The following CLDND2 variants were observed in gnomAD, a reference collection of about 807,000 sequenced individuals.
CLDND2 encodes the protein claudin domain containing 2.
A neutral mutation model predicts 17.7 loss-of-function variants in CLDND2; 18 were observed. That is an observed-to-expected ratio of 1.02 (90% CI 0.70 to 1.51). The LOEUF is 1.51. Among genes scored for constraint, CLDND2 ranks in the 40% most tolerant of loss-of-function variants. The pLI is 0.00. For synonymous variants in CLDND2, 113 were observed against 93.0 expected, an observed-to-expected ratio of 1.22 and a Z score of -1.24; for missense variants, 233 against 219.6, an observed-to-expected ratio of 1.06 and a Z score of -0.39.
At chr19:51,368,136 G>A in intron 1 of CLDND2, 110 bp from the exon 2 acceptor site, 1 of 1,253,078 alleles carries the variant, frequency 8.0e-7, no homozygotes, top group Non-Finnish European at 1.1e-6. Context: ...GTGTGGCCAG[G>A]AGCCGAGCTC....
intron 1 of CLDND2, 115 bp from the exon 2 acceptor site, chr19:51,368,141 G>A: frequency 8.5e-7 from 1 of 1,180,022 alleles, no homozygotes; most frequent in East Asian, 2.6e-5. Flanking sequence ...GCCAGGAGCC[G>A]AGCTCCACCG....
Position 51,367,560 on chromosome 19 carries a change from G to A in CLDND2, c.327C>T (p.Thr109=), listed in dbSNP as rs761525613. 1.2e-6 allele frequency: 2 copies of A among 1,611,912 alleles called. No homozygotes were observed. The highest frequency in any genetic ancestry group is 2.2e-5 in the East Asian group (1 of 44,836). ...TCTTCACGGTGTAGCCTATCAAGGC[G>A]GTCAGCAGCAGCAGTCCTGGGCCCC... ...FLFLGGLLLL[T]ALIGYTVKNA... Residue 109 remains threonine (T), a synonymous_variant, in exon 3 of 4, where the codon ACC becomes ACT. Coordinates refer to ENST00000291715, the MANE Select transcript of CLDND2 (RefSeq NM_152353.3). The surrounding 1 kb of genome is among the most constrained non-coding windows in gnomAD (Gnocchi z 7.4).
chr19:51,367,040 C>G, downstream of CLDND2: 1 of 1,076,642 alleles, frequency 9.3e-7, no homozygotes, highest in South Asian at 1.3e-5. This position sits in a 1 kb window ranked among gnomAD's most constrained non-coding sequence, Gnocchi z 7.4. Flanking sequence ...CCCTGAGCCT[C>G]TATGCAACCC....
chr19:51,368,826 A>G lies in CLDND2; in HGVS notation c.-249T>C. On this transcript the variant is annotated 5_prime_UTR_variant, in exon 1 of 4. Coordinates refer to ENST00000291715, the MANE Select transcript of CLDND2 (RefSeq NM_152353.3). ...AGACTTCCCCTGAGAGGCCTCTGAG[A>G]CCTTCACCACAGGCTTTGCTGTGAG... 2.2e-6 allele frequency: 1 copy of G among 460,968 alleles called. No individual in the cohort carries two copies. Among genetic ancestry groups the G allele is most frequent in the Non-Finnish European group, 3.9e-6 (1 of 256,548 alleles). 28.6% of individuals were successfully genotyped at this position (460,968 alleles called of 1,614,324 possible). A position where few individuals can be genotyped will look rare whatever the true frequency, so the allele number is the denominator to read the frequency against.
chr19:51,367,652 C>T lies in CLDND2; in HGVS notation c.311-76G>A. On this transcript the variant is annotated intron_variant, in intron 2 of 3. Transcript: ENST00000291715. The surrounding 1 kb of genome is among the most constrained non-coding windows in gnomAD (Gnocchi z 7.4). ...CACCCAGGCCACGCCCCTTCAGACC[C>T]GCCCCCTTCTATCAGACCACGCCTA... 2 of 1,538,136 alleles carry T rather than the reference C, an allele frequency of 1.3e-6. No individual in the cohort carries two copies. The highest frequency in any genetic ancestry group is 4.2e-5 in the Admixed American group (2 of 47,186).
In CLDND2 at chr19:51,368,587, G is replaced by C. The variant is rs376369107; in HGVS notation, c.-10C>G. 1.9e-6 allele frequency: 3 copies of C among 1,610,218 alleles called. No individual in the cohort carries two copies. The African/African-American group carries it at 4.0e-5, about 22-fold the overall frequency. Reference sequence around the variant, plus strand: ...TCCGCTTCACCCCCATGCCACTGAGGCTGCAGCCGGGGGCCACAAGGGCAG... The same window carrying C: ...TCCGCTTCACCCCCATGCCACTGAGCCTGCAGCCGGGGGCCACAAGGGCAG... On this transcript the variant is annotated 5_prime_UTR_variant, in exon 1 of 4. Coordinates refer to ENST00000291715, the MANE Select transcript of CLDND2 (RefSeq NM_152353.3).
Position 51,367,776 on chromosome 19 carries a change from T to G in CLDND2, c.310+110A>C. On this transcript the variant is annotated intron_variant, in intron 2 of 3. Coordinates refer to ENST00000291715, the MANE Select transcript of CLDND2 (RefSeq NM_152353.3). The surrounding 1 kb of genome is among the most constrained non-coding windows in gnomAD (Gnocchi z 7.4). ...CACCTCTCTCGGCTTCTTCCAGCCC[T>G]GCCCCTCGGATCCTGGCCGAGTACC... 1.3e-6 allele frequency: 2 copies of G among 1,493,280 alleles called. No individual in the cohort carries two copies. The highest frequency in any genetic ancestry group is 1.8e-6 in the Non-Finnish European group (2 of 1,125,106). The allele number at this position is 1,493,280 out of a possible 1,614,324, so 92.5% of individuals were successfully genotyped here.
In CLDND2 at chr19:51,367,868, G is replaced by T; in HGVS notation, c.310+18C>A. Reference sequence around the variant, plus strand: ...GGCCCGCCCCTGCCTGCCCGCCTGGGGCGGTCTGCAGTCTCACCGCCGAGG... The same window carrying T: ...GGCCCGCCCCTGCCTGCCCGCCTGGTGCGGTCTGCAGTCTCACCGCCGAGG... On this transcript the variant is annotated intron_variant, in intron 2 of 3. Transcript: ENST00000291715. The surrounding 1 kb of genome is among the most constrained non-coding windows in gnomAD (Gnocchi z 7.4). 6.2e-7 allele frequency: 1 copy of T among 1,607,188 alleles called. No individual in the cohort carries two copies. The highest frequency in any genetic ancestry group is 8.5e-7 in the Non-Finnish European group (1 of 1,179,070).
intron 1 of CLDND2, 176 bp downstream of exon 1, chr19:51,368,233 G>T: frequency 1.1e-6 from 1 of 918,624 alleles, no homozygotes; most frequent in Non-Finnish European, 1.6e-6. Flanking sequence ...CGGGGAGGGG[G>T]TCGGGGACAA....
At chr19:51,366,890 C>T (rs1007943211), downstream of CLDND2, among the ~76,000 whole-genome samples, 11 of 152,036 alleles carry the variant, frequency 7.2e-5, no homozygotes, top group African/African-American at 2.7e-4. Context: ...CTCTCCACAC[C>T]CTCTCCAAAG....
chr19:51,367,068 G>T, downstream of CLDND2: 1 of 1,448,734 alleles, frequency 6.9e-7, no homozygotes, highest in East Asian at 2.3e-5. This position sits in a 1 kb window ranked among gnomAD's most constrained non-coding sequence, Gnocchi z 7.4. Context: ...GCGTCCCCAC[G>T]ACCCGCAGAA....
chr19:51,368,283 C>A, intron 1 of CLDND2, 126 bp downstream of exon 1: 1 of 1,236,632 alleles, frequency 8.1e-7, no homozygotes, highest in Non-Finnish European at 1.1e-6. Context: ...CGGCCTCGGC[C>A]GACAAGGGAC....
At chr19:51,368,059 C>G (rs1186324180) in intron 1 of CLDND2, 33 bp from the exon 2 acceptor site, 2 of 1,567,638 alleles carry the variant, frequency 1.3e-6, no homozygotes, top group African/African-American at 1.4e-5. Context: ...CCCCCGCGGG[C>G]GCCGCCCCAG....
chr19:51,368,585 A>C lies in CLDND2; in HGVS notation c.-8T>G, dbSNP rs1367870523. On this transcript the variant is annotated 5_prime_UTR_variant, in exon 1 of 4. Coordinates refer to ENST00000291715, the MANE Select transcript of CLDND2 (RefSeq NM_152353.3). ...GCTCCGCTTCACCCCCATGCCACTG[A>C]GGCTGCAGCCGGGGGCCACAAGGGC... 1.9e-6 allele frequency: 3 copies of C among 1,610,902 alleles called. No individual in the cohort carries two copies. The African/African-American group carries it at 4.0e-5, about 22-fold the overall frequency.
rs2123625551 is a variant in CLDND2 at position 51,367,328 on chromosome 19, C to T, written c.431-113G>A. The T allele has an allele frequency of 1.4e-6, 2 of 1,384,596 alleles. No homozygotes were observed. The highest frequency in any genetic ancestry group is 2.0e-6 in the Non-Finnish European group (2 of 989,050). The allele number at this position is 1,384,596 out of a possible 1,614,324, so 85.8% of individuals were successfully genotyped here. A position where few individuals can be genotyped will look rare whatever the true frequency, so the allele number is the denominator to read the frequency against. ...TCCAAGGGGGTCTCTGCCGGGTCTG[C>T]GGGAGTCGTTAGTGTGTTGGGGAGT... is the stretch of plus-strand genomic sequence containing the variant. On this transcript the variant is annotated intron_variant, in intron 3 of 3. Coordinates refer to ENST00000291715, the MANE Select transcript of CLDND2 (RefSeq NM_152353.3). This position sits in a 1 kb window ranked among gnomAD's most constrained non-coding sequence, Gnocchi z 7.4.
rs769162667 is a variant in CLDND2 at position 51,367,145 on chromosome 19, C to G, written c.501G>C (p.Leu167=). Residue 167 remains leucine (L), a synonymous_variant, in exon 4 of 4, where the codon CTG becomes CTC. Transcript: ENST00000291715. The surrounding 1 kb of genome is among the most constrained non-coding windows in gnomAD (Gnocchi z 7.4). Reference sequence around the variant, plus strand: ...TTCTGCCCCAGGCAGGCTGCAGTCACAGACACACGGGGAATCCACTGATGG... The same window carrying G: ...TTCTGCCCCAGGCAGGCTGCAGTCAGAGACACACGGGGAATCCACTGATGG... ...TDAISGFPVC[L] 6.2e-7 allele frequency: 1 copy of G among 1,614,210 alleles called. No homozygotes were observed. Among genetic ancestry groups the G allele is most frequent in the Non-Finnish European group, 8.5e-7 (1 of 1,180,008 alleles).
Position 51,367,104 on chromosome 19 carries a change from A to C in CLDND2, c.*38T>G. On this transcript the variant is annotated 3_prime_UTR_variant, in exon 4 of 4. Coordinates refer to ENST00000291715, the MANE Select transcript of CLDND2 (RefSeq NM_152353.3). This position sits in a 1 kb window ranked among gnomAD's most constrained non-coding sequence, Gnocchi z 7.4. ...AAGCACGCGGAGCCGCAGCGCTAAA[A>C]AAAGCCGTTCCTTTATTCTGCCCCA... 1.2e-6 allele frequency: 2 copies of C among 1,608,082 alleles called. No individual in the cohort carries two copies. The highest frequency in any genetic ancestry group is 1.7e-6 in the Non-Finnish European group (2 of 1,174,548).
chr19:51,367,463 G>C lies in CLDND2; in HGVS notation c.424C>G (p.Leu142Val). 1 of 1,599,518 alleles carries C rather than the reference G, an allele frequency of 6.3e-7. No homozygotes were observed. The highest frequency in any genetic ancestry group is 8.5e-7 in the Non-Finnish European group (1 of 1,172,204). Reference protein sequence around the residue: ...SGWLALPFSILAGFCFLLADM... With the variant: ...SGWLALPFSIVAGFCFLLADM... Reference sequence around the variant, plus strand: ...TTCCCGCTGTCCAGTTTACCCGCGAGAATTGAGAAGGGTAAGGCCAGCCAC... The same window carrying C: ...TTCCCGCTGTCCAGTTTACCCGCGACAATTGAGAAGGGTAAGGCCAGCCAC... The change falls in exon 3 of 4, where the codon CTC (leucine) becomes GTC (valine). Residue 142 changes from leucine (L) to valine (V), a missense_variant. Physicochemically the swap from Leu to Val is conservative, Grantham distance 32. Transcript: ENST00000291715. The surrounding 1 kb of genome is among the most constrained non-coding windows in gnomAD (Gnocchi z 7.4).
chr19:51,368,048 G>A (rs1485627593), intron 1 of CLDND2, 22 bp from the exon 2 acceptor site: 1 of 1,579,058 alleles, frequency 6.3e-7, no homozygotes. Flanking sequence ...GGGCGCATCA[G>A]CCCCCGCGGG....
Sources: allele counts gnomAD v4.1 joint callset (sites outside exome capture counted in the v4.1 genomes callset), GRCh38; gene constraint gnomAD v4.1.1; non-coding constraint Gnocchi (gnomAD v3.1); transcripts MANE v1.5; gene names NCBI Gene and HGNC (gene_info 2026-07-23, HGNC 2026-07-21).